The following DLC1 variants were observed in gnomAD, a reference collection of about 807,000 sequenced individuals.
The protein encoded by DLC1 is DLC1 Rho GTPase activating protein.
In DLC1, 54 loss-of-function variants were observed where a neutral mutation model predicts 140.3. The ratio of observed to expected loss-of-function variants is 0.38; its 90% confidence interval spans 0.31 to 0.48. The LOEUF (loss-of-function observed/expected upper bound fraction) is 0.48, where lower values mean the gene tolerates loss of function less well. DLC1 is among the 20% of genes least tolerant of loss of function. DLC1 has a pLI of 0.96. For synonymous variants in DLC1, 986 were observed against 728.1 expected (o/e 1.35, Z -5.70); for missense variants, 2,536 against 1,907.0 (o/e 1.33, Z -6.14).
At chr8:13,380,079 G>A (rs1052571534) in intron 4 of DLC1, among the ~76,000 whole-genome samples, 1 of 152,064 alleles carries the variant, frequency 6.6e-6, no homozygotes, top group Admixed American at 6.6e-5. Flanking sequence ...CTTGTCATTG[G>A]ATCTCCTCCT....
chr8:13,138,191 T>C (rs946424925), intron 5 of DLC1, among the ~76,000 whole-genome samples: 1 of 152,172 alleles, frequency 6.6e-6, no homozygotes, highest in Non-Finnish European at 1.5e-5. Flanking sequence ...GTGAGTAAAG[T>C]TGACCCTAGT....
chr8:13,591,351 C>T (rs917107158), intron 1 of DLC1, among the ~76,000 whole-genome samples: 1 of 152,014 alleles, frequency 6.6e-6, no homozygotes, highest in Non-Finnish European at 1.5e-5. Context: ...GGCAGTTGCC[C>T]TCAAGATGTT....
intron 5 of DLC1, chr8:13,304,990 T>G (rs1832358892): frequency 9.3e-7 from 1 of 1,079,888 alleles, no homozygotes; most frequent in Non-Finnish European, 1.1e-6. Context: ...TGATCAACAT[T>G]TAATTCTTTT....
chr8:13,339,256 T>C (rs1437942508), intron 4 of DLC1, among the ~76,000 whole-genome samples: 3 of 152,214 alleles, frequency 2.0e-5, no homozygotes. Context: ...AATAATTGGC[T>C]TCCAACTCAC....
At position 13,092,669 on chromosome 8, in the gene DLC1, C is replaced by T; in HGVS notation, c.3683G>A (p.Cys1228Tyr). 1 of 1,614,202 alleles carries T rather than the reference C, an allele frequency of 6.2e-7. No homozygotes were observed. Among genetic ancestry groups the T allele is most frequent in the Non-Finnish European group, 8.5e-7 (1 of 1,180,046 alleles). Residue 1228 changes from cysteine (C) to tyrosine (Y), a missense_variant, in exon 13 of 18, where the codon TGC becomes TAC. Coordinates refer to ENST00000276297, the MANE Select transcript of DLC1 (RefSeq NM_182643.3). The part of the protein sequence containing the change: ...NQMTPTNLAV[C>Y]LAPSLFHLNT... ...GAGATGGAAGAGGGAAGGCGCTAAG[C>T]ACACGGCCAGGTTGGTTGGGGTCAT...
In DLC1 at chr8:13,325,981, A is replaced by AG. The variant is rs934006566; in HGVS notation, c.1315-20680dup. ...ATGACACTTGATATTGGCATTGCAT[A>AG]GTAGAGGAAATGATTGACATTCAGT... On this transcript the variant is annotated intron_variant, in intron 4 of 17. Coordinates refer to ENST00000276297, the MANE Select transcript of DLC1 (RefSeq NM_182643.3). Among the ~76,000 whole-genome samples the AG allele has an allele frequency of 1.2e-4, 18 of 152,132 alleles. 1 individual carries two copies. The highest frequency in any genetic ancestry group is 4.1e-4 in the African/African-American group (17 of 41,442).
At chr8:13,116,170 A>G (rs1439494351) in intron 5 of DLC1, 1 of 985,930 alleles carries the variant, frequency 1.0e-6, no homozygotes, top group Non-Finnish European at 1.2e-6. Flanking sequence ...CTGTTGCGTG[A>G]TCAGGTACTC....
chr8:13,561,513 T>G (rs1454974071), intron 1 of DLC1, among the ~76,000 whole-genome samples: 1 of 152,192 alleles, frequency 6.6e-6, no homozygotes, highest in Non-Finnish European at 1.5e-5. Flanking sequence ...ATTTTTTTAA[T>G]GCAAAACTGG....
At chr8:13,198,220 T>C (rs563128134) in intron 5 of DLC1, among the ~76,000 whole-genome samples, 25 of 152,306 alleles carry the variant, frequency 1.6e-4, no homozygotes, top group African/African-American at 6.0e-4. Flanking sequence ...AATTTTAAAA[T>C]ATGTGATAAG....
At chr8:13,577,803 A>T (rs564840725) in intron 1 of DLC1, among the ~76,000 whole-genome samples, 40 of 152,174 alleles carry the variant, frequency 2.6e-4, no homozygotes, top group Middle Eastern at 3.4e-3. Context: ...TTCCCTGCTC[A>T]TATTTTTAAG....
intron 2 of DLC1, among the ~76,000 whole-genome samples, chr8:13,453,406 A>ATATATATATATATATATGTGTG (rs1799172468): frequency 6.7e-5 from 3 of 44,706 alleles, no homozygotes; most frequent in Non-Finnish European, 1.0e-4. Context: ...ATATATGTGT[A>ATATATATATATATATATGTGTG]TATATATATA....
rs777066807 is a variant in DLC1 at position 13,499,492 on chromosome 8, A to C, written c.580T>G (p.Cys194Gly). The C allele has an allele frequency of 1.2e-6, 2 of 1,614,012 alleles. No individual in the cohort carries two copies. Among genetic ancestry groups the C allele is most frequent in the South Asian group, 2.2e-5 (2 of 91,066 alleles). ...ATTTCACTTAAGCTTATTTCATTGC[A>C]AAGCTCCAGGCTTTTACTTATAGAG... The part of the protein sequence containing the change: ...TDSISKSLEL[C>G]NEISLSEIKD... The change falls in exon 2 of 18, where the codon TGC (cysteine) becomes GGC (glycine). Residue 194 changes from cysteine (C) to glycine (G), a missense_variant. By Grantham distance (159) the Cys-to-Gly change is radical (BLOSUM62 -3). Transcript: ENST00000276297.
At chr8:13,539,207 G>T (rs778587834) in intron 1 of DLC1, among the ~76,000 whole-genome samples, 15 of 151,882 alleles carry the variant, frequency 9.9e-5, no homozygotes, top group African/African-American at 2.7e-4. Flanking sequence ...ATGTATGTAT[G>T]TATTTATTTT....
intron 5 of DLC1, among the ~76,000 whole-genome samples, chr8:13,296,877 G>C (rs1282473974): frequency 6.6e-6 from 1 of 151,774 alleles, no homozygotes; most frequent in East Asian, 1.9e-4. Context: ...ATTTGAATCA[G>C]AACATATTAA....
At chr8:13,405,481 G>T (rs542376774) in intron 2 of DLC1, among the ~76,000 whole-genome samples, 1 of 152,230 alleles carries the variant, frequency 6.6e-6, no homozygotes, top group African/African-American at 2.4e-5. Flanking sequence ...AAAGTTCAAG[G>T]TTCCAGTGCC....
chr8:13,456,093 A>G (rs565922980), intron 2 of DLC1, among the ~76,000 whole-genome samples: 1 of 152,052 alleles, frequency 6.6e-6, no homozygotes, highest in African/African-American at 2.4e-5. Context: ...TCTTTTCGAG[A>G]TTTGCAGCAG....
intron 4 of DLC1, among the ~76,000 whole-genome samples, chr8:13,315,504 T>A (rs1832831262): frequency 6.6e-6 from 1 of 152,216 alleles, no homozygotes. Context: ...AAGAGGAGTC[T>A]GCTCTGTGGT....
At chr8:13,472,448 A>T (rs1018690319) in intron 2 of DLC1, among the ~76,000 whole-genome samples, 5 of 152,216 alleles carry the variant, frequency 3.3e-5, no homozygotes, top group Non-Finnish European at 7.3e-5. Flanking sequence ...TTTGAAATTG[A>T]TTCATATTCT....
intron 5 of DLC1, among the ~76,000 whole-genome samples, chr8:13,209,356 GT>G (rs1039788201): frequency 1.1e-3 from 168 of 152,210 alleles, no homozygotes; most frequent in Admixed American, 1.7e-3. Context: ...CCTTTGGAGA[GT>G]TAGTGCAAGT....
Sources: allele counts gnomAD v4.1 joint callset (sites outside exome capture counted in the v4.1 genomes callset), GRCh38; gene constraint gnomAD v4.1.1; transcripts MANE v1.5; gene names NCBI Gene and HGNC (gene_info 2026-07-23, HGNC 2026-07-21).